Variants in MDGA2 observed in about 807,000 individuals in gnomAD.
MDGA2 encodes the protein MAM domain-containing glycosylphosphatidylinositol anchor protein 2.
In MDGA2, 40 loss-of-function variants were observed where a neutral mutation model predicts 117.8. The ratio of observed to expected loss-of-function variants is 0.34; its 90% CI spans 0.26 to 0.44. The LOEUF (loss-of-function observed/expected upper bound fraction) is 0.44. Among genes scored for constraint, MDGA2 ranks in the 20% least tolerant of loss-of-function variants. The pLI is 1.00. For synonymous variants in MDGA2, 452 were observed against 439.0 expected, an observed-to-expected ratio of 1.03 and a Z score of -0.37; for missense variants, 1,123 against 1,250.6, an observed-to-expected ratio of 0.90 and a Z score of 1.54.
intron 8 of MDGA2, among the ~76,000 whole-genome samples, chr14:47,007,658 C>T (rs1019089294): frequency 6.6e-6 from 1 of 151,666 alleles, no homozygotes; most frequent in Non-Finnish European, 1.5e-5. Flanking sequence ...ATTTGTTTTT[C>T]CTCCAAGATT....
chr14:47,171,325 T>C (rs571638674), intron 3 of MDGA2, among the ~76,000 whole-genome samples: 5 of 152,212 alleles, frequency 3.3e-5, no homozygotes, highest in East Asian at 3.9e-4. Flanking sequence ...ATGAATATTA[T>C]ATAAATTCTT....
intron 1 of MDGA2, among the ~76,000 whole-genome samples, chr14:47,408,962 C>T (rs938428027): frequency 3.3e-5 from 5 of 152,134 alleles, no homozygotes; most frequent in African/African-American, 1.2e-4. Context: ...GCAAAAGGAC[C>T]TGAGAGAGGA....
intron 1 of MDGA2, among the ~76,000 whole-genome samples, chr14:47,670,732 C>A (rs181896929): frequency 2.0e-5 from 3 of 152,188 alleles, no homozygotes; most frequent in African/African-American, 7.2e-5. Flanking sequence ...GATACCAGTT[C>A]ATTTAATGAC....
chr14:47,527,608 G>C (rs962361442), intron 1 of MDGA2, among the ~76,000 whole-genome samples: 1 of 152,168 alleles, frequency 6.6e-6, no homozygotes, highest in African/African-American at 2.4e-5. Flanking sequence ...TGGGTAGTTA[G>C]AAAAGAGGAA....
Position 47,301,436 on chromosome 14 carries a change from A to G in MDGA2, c.395T>C (p.Leu132Pro). Reference protein sequence around the residue: ...REGETLELTCLVTGHPRPQIR... With the variant: ...REGETLELTCPVTGHPRPQIR... ...CTGTGGACGTGGATGTCCTGTGACTAGACAAGTCAACTCAAGGGTTTCTCC... is the reference window on the plus strand; with the variant it reads ...CTGTGGACGTGGATGTCCTGTGACTGGACAAGTCAACTCAAGGGTTTCTCC... Residue 132 changes from leucine to proline, a missense_variant, in exon 2 of 17, where the codon CTA (leucine) becomes CCA (proline). Leu to Pro is a moderately conservative substitution (Grantham distance 98, BLOSUM62 -3). This residue lies in a region of MDGA2 where 233 missense variants were observed against 200.3 expected (regional missense o/e 1.16). Coordinates refer to ENST00000399232, the MANE Select transcript of MDGA2 (RefSeq NM_001113498.3). 6.4e-7 allele frequency: 1 copy of G among 1,551,842 alleles called. No individual in the cohort carries two copies. The highest frequency in any genetic ancestry group is 1.2e-5 in the South Asian group (1 of 84,066).
chr14:47,221,957 A>G (rs562197422), intron 2 of MDGA2, among the ~76,000 whole-genome samples: 72 of 151,956 alleles, frequency 4.7e-4, no homozygotes, highest in Non-Finnish European at 8.1e-4. Context: ...TTTGTGGTGA[A>G]ACATTTAAAA....
At chr14:47,474,240 A>G (rs556883679) in intron 1 of MDGA2, among the ~76,000 whole-genome samples, 2 of 152,304 alleles carry the variant, frequency 1.3e-5, no homozygotes, top group South Asian at 2.1e-4. Context: ...AAACTGATAC[A>G]AAGAGAATAA....
At chr14:47,430,623 C>A (rs1392850010) in intron 1 of MDGA2, among the ~76,000 whole-genome samples, 1 of 151,972 alleles carries the variant, frequency 6.6e-6, no homozygotes, top group Non-Finnish European at 1.5e-5. Flanking sequence ...AAATACTGCT[C>A]CAATCTACCA....
At chr14:47,090,553 T>C (rs1342639687) in intron 6 of MDGA2, among the ~76,000 whole-genome samples, 2 of 152,190 alleles carry the variant, frequency 1.3e-5, no homozygotes, top group Admixed American at 6.5e-5. Flanking sequence ...ATATAGTTTA[T>C]GAGGTATACT....
At chr14:47,484,943 A>G (rs1244189915) in intron 1 of MDGA2, among the ~76,000 whole-genome samples, 1 of 151,966 alleles carries the variant, frequency 6.6e-6, no homozygotes, top group Non-Finnish European at 1.5e-5. Context: ...TATTTTTGCA[A>G]ATTGCTCGGC....
At chr14:47,507,518 T>C (rs1431137738) in intron 1 of MDGA2, among the ~76,000 whole-genome samples, 1 of 152,180 alleles carries the variant, frequency 6.6e-6, no homozygotes, top group African/African-American at 2.4e-5. Context: ...CACATAGCCA[T>C]GTTTGATCCT....
intron 1 of MDGA2, among the ~76,000 whole-genome samples, chr14:47,386,337 T>C (rs575654567): frequency 6.6e-6 from 1 of 152,262 alleles, no homozygotes; most frequent in Non-Finnish European, 1.5e-5. Flanking sequence ...TTTTCAATGA[T>C]TTTGATTTCA....
chr14:47,649,819 G>C (rs1897605494), intron 1 of MDGA2, among the ~76,000 whole-genome samples: 1 of 151,972 alleles, frequency 6.6e-6, no homozygotes, highest in African/African-American at 2.4e-5. Context: ...TAAATTTAGG[G>C]GATGGTGATA....
At chr14:47,139,114 A>C (rs939716812) in intron 4 of MDGA2, among the ~76,000 whole-genome samples, 30 of 152,256 alleles carry the variant, frequency 2.0e-4, no homozygotes, top group African/African-American at 6.5e-4. Flanking sequence ...TTATTATTAA[A>C]TAACATTATT....
intron 5 of MDGA2, among the ~76,000 whole-genome samples, chr14:47,129,556 G>A (rs1229506036): frequency 6.8e-6 from 1 of 147,834 alleles, no homozygotes; most frequent in Non-Finnish European, 1.5e-5. Flanking sequence ...AAACATACGT[G>A]TGCATGTGTC....
At chr14:47,638,837 C>T (rs1000645740) in intron 1 of MDGA2, among the ~76,000 whole-genome samples, 7 of 152,088 alleles carry the variant, frequency 4.6e-5, no homozygotes, top group African/African-American at 1.7e-4. Context: ...CCATTCAGAC[C>T]CTACAATTCA....
At chr14:47,121,461 T>G (rs1881647550) in intron 5 of MDGA2, among the ~76,000 whole-genome samples, 1 of 152,028 alleles carries the variant, frequency 6.6e-6, no homozygotes. Context: ...ATTTTGGAAT[T>G]TCGCTATGAT....
At chr14:47,239,739 T>A (rs10484191) in intron 2 of MDGA2, among the ~76,000 whole-genome samples, 70,510 of 151,612 alleles carry the variant, frequency 0.47, 17,702 homozygotes, top group Admixed American at 0.62. Context: ...AATTAAATTA[T>A]CTGCCTGAAA....
At position 46,863,064 on chromosome 14, in the gene MDGA2, C is replaced by G. The variant is rs372813779; in HGVS notation, c.2753-7910G>C. Among the ~76,000 whole-genome samples, 196 of 152,122 alleles carry G rather than the reference C, an allele frequency of 1.3e-3. 2 individuals are homozygous for G. Among genetic ancestry groups the G allele is most frequent in the African/African-American group, 4.5e-3 (187 of 41,536 alleles). On this transcript the variant is annotated intron_variant, in intron 14 of 16. Coordinates refer to ENST00000399232, the MANE Select transcript of MDGA2 (RefSeq NM_001113498.3). ...GATCCCTTACGCTGACCTTTTCCCTCTTTAGTTCTATCACTTTCTCTACTC... is the reference window on the plus strand; with the variant it reads ...GATCCCTTACGCTGACCTTTTCCCTGTTTAGTTCTATCACTTTCTCTACTC...
Sources: allele counts gnomAD v4.1 joint callset (sites outside exome capture counted in the v4.1 genomes callset), GRCh38; gene constraint gnomAD v4.1.1; regional missense constraint gnomAD v4.1.1; transcripts MANE v1.5; gene names NCBI Gene and HGNC (gene_info 2026-07-23, HGNC 2026-07-21).